The following TAS2R1 variants were observed in gnomAD, a reference collection of about 807,000 sequenced individuals.
TAS2R1 encodes the protein taste receptor type 2 member 1.
For missense variants in TAS2R1, 370 were observed against 353.4 expected (o/e 1.05, Z -0.38); for synonymous variants, 141 against 134.2 (o/e 1.05, Z -0.35).
chr5:9,770,484 A>C, the TAS2R1 span, among the ~76,000 whole-genome samples: 11 of 152,182 alleles, frequency 7.2e-5, no homozygotes, highest in African/African-American at 2.7e-4. Context: ...GATGGCATTA[A>C]ATCTATAGAT....
chr5:9,784,944 T>C, the TAS2R1 span, among the ~76,000 whole-genome samples: 1 of 152,312 alleles, frequency 6.6e-6, no homozygotes, highest in African/African-American at 2.4e-5. Context: ...TCTGAGATCC[T>C]GGGGGTTAGG....
chr5:9,771,896 T>G, the TAS2R1 span, among the ~76,000 whole-genome samples: 1 of 152,114 alleles, frequency 6.6e-6, no homozygotes, highest in African/African-American at 2.4e-5. Context: ...GGGTCTTCTC[T>G]TTTTTTCTTC....
chr5:9,633,300 A>AT (rs1397852979), upstream of TAS2R1, among the ~76,000 whole-genome samples: 190 of 113,074 alleles, frequency 1.7e-3, 14 homozygotes, highest in African/African-American at 6.7e-3. Flanking sequence ...TATATTATAT[A>AT]TATATATATA....
At chr5:9,856,440 C>G in the TAS2R1 span, among the ~76,000 whole-genome samples, 3 of 152,182 alleles carry the variant, frequency 2.0e-5, no homozygotes, top group Non-Finnish European at 4.4e-5. Flanking sequence ...ATAAACTCCT[C>G]TCTCACATCT....
At chr5:9,715,812 A>C (rs118583), upstream of TAS2R1, among the ~76,000 whole-genome samples, 35,147 of 152,160 alleles carry the variant, frequency 0.23, 4,573 homozygotes, top group South Asian at 0.3. Context: ...GAAGGCTATG[A>C]ACGAATCTCC....
chr5:9,785,078 T>C, the TAS2R1 span, among the ~76,000 whole-genome samples: 1 of 152,194 alleles, frequency 6.6e-6, no homozygotes, highest in African/African-American at 2.4e-5. Context: ...GACATAGACA[T>C]ATAATTTTAC....
At chr5:9,747,983 A>G in the TAS2R1 span, among the ~76,000 whole-genome samples, 7 of 152,220 alleles carry the variant, frequency 4.6e-5, no homozygotes, top group East Asian at 3.9e-4. Context: ...AATAAAAAAC[A>G]TGTCTTCACT....
chr5:9,670,096 A>C (rs1410389101), intron 1 of TAS2R1, among the ~76,000 whole-genome samples: 4 of 152,254 alleles, frequency 2.6e-5, no homozygotes, highest in Admixed American at 2.6e-4. Flanking sequence ...GAAATACAAA[A>C]AAACCCTCAG....
the TAS2R1 span, among the ~76,000 whole-genome samples, chr5:9,746,566 C>A: frequency 6.6e-6 from 1 of 152,142 alleles, no homozygotes; most frequent in African/African-American, 2.4e-5. Context: ...CACATATACA[C>A]CATGGAATAC....
chr5:9,780,028 C>A, the TAS2R1 span, among the ~76,000 whole-genome samples: 2 of 152,226 alleles, frequency 1.3e-5, no homozygotes, highest in Non-Finnish European at 2.9e-5. Context: ...GTGCCACATA[C>A]CCTGTGACCT....
the TAS2R1 span, among the ~76,000 whole-genome samples, chr5:9,894,650 C>T: frequency 6.6e-5 from 10 of 152,168 alleles, no homozygotes; most frequent in African/African-American, 2.2e-4. Flanking sequence ...GTTATGACAG[C>T]GCTAGCAAAC....
the TAS2R1 span, among the ~76,000 whole-genome samples, chr5:9,755,587 C>CA: frequency 0.46 from 43,643 of 94,400 alleles, 9,186 homozygotes; most frequent in Admixed American, 0.55. Flanking sequence ...ACTCCATCTC[C>CA]AAAAAAAAAA....
At chr5:9,701,221 GACACACACACACACACACACACACAC>G (rs34248017) in intron 1 of TAS2R1, among the ~76,000 whole-genome samples, 8 of 135,956 alleles carry the variant, frequency 5.9e-5, no homozygotes, top group Admixed American at 7.4e-5. Context: ...CAGACACGCA[GACACACACACACACACACACACACAC>G]ACACACACAC....
At chr5:9,857,842 G>A in the TAS2R1 span, among the ~76,000 whole-genome samples, 1 of 152,092 alleles carries the variant, frequency 6.6e-6, no homozygotes, top group Non-Finnish European at 1.5e-5. Flanking sequence ...AGAGATTCTG[G>A]GTATACCACC....
chr5:9,802,492 C>T, the TAS2R1 span, among the ~76,000 whole-genome samples: 2 of 152,134 alleles, frequency 1.3e-5, no homozygotes, highest in Non-Finnish European at 2.9e-5. Context: ...ACCAGAAAAG[C>T]AATTCTGCTA....
chr5:9,654,918 T>C (rs1482424526), intron 2 of TAS2R1, among the ~76,000 whole-genome samples: 1 of 152,158 alleles, frequency 6.6e-6, no homozygotes, highest in African/African-American at 2.4e-5. Flanking sequence ...GTCCAAGAAA[T>C]ATGAAAGCAT....
At chr5:9,786,973 A>G in the TAS2R1 span, among the ~76,000 whole-genome samples, 11 of 152,200 alleles carry the variant, frequency 7.2e-5, no homozygotes, top group Non-Finnish European at 1.5e-4. Flanking sequence ...TGAATCCTGC[A>G]CTTTCTTGGT....
chr5:9,863,068 T>C, the TAS2R1 span: 1 of 152,188 alleles, frequency 6.6e-6, no homozygotes. Context: ...GTTTCAGAGC[T>C]TTGTATTCCA....
the TAS2R1 span, among the ~76,000 whole-genome samples, chr5:9,791,017 T>A: frequency 6.6e-6 from 1 of 152,208 alleles, no homozygotes; most frequent in Non-Finnish European, 1.5e-5. Context: ...GGCCCAGCAC[T>A]ATGGATGTCT....
Sources: allele counts gnomAD v4.1 joint callset (sites outside exome capture counted in the v4.1 genomes callset), GRCh38; gene constraint gnomAD v4.1.1; transcripts MANE v1.5; gene names NCBI Gene and HGNC (gene_info 2026-07-23, HGNC 2026-07-21).